Variants in PRTG observed in about 807,000 individuals in gnomAD.
The protein encoded by PRTG is immunoglobulin superfamily, DCC subclass, member 5.
Under a neutral mutation model 122.5 loss-of-function variants are expected in PRTG, and 67 were observed. The observed-to-expected ratio is 0.55, with a 90% CI of 0.45 to 0.67. The LOEUF (loss-of-function observed/expected upper bound fraction) is 0.67, where lower values mean the gene tolerates loss of function less well. PRTG is among the 30% of genes least tolerant of loss of function. The probability of loss-of-function intolerance (pLI) is 0.00; values close to 1 mark genes in which losing one functional copy is unlikely to be tolerated. For synonymous variants in PRTG, 554 were observed against 501.1 expected (o/e 1.11, Z -1.41); for missense variants, 1,435 against 1,415.4 (o/e 1.01, Z -0.22).
Position 55,661,604 on chromosome 15 carries a change from G to A in PRTG, c.2041+10841C>T, listed in dbSNP as rs139040514. On this transcript the variant is annotated intron_variant, in intron 11 of 19. Coordinates refer to ENST00000389286, the MANE Select transcript of PRTG (RefSeq NM_173814.6). ...CTTTCTTTTCTTTTTTAAGCAGGAA[G>A]ACAAAATGCATGCATATGAATCACA... Among the ~76,000 whole-genome samples, 7 of 152,172 alleles carry A rather than the reference G, an allele frequency of 4.6e-5. No homozygotes were observed. The East Asian group carries it at 1.4e-3, about 29-fold the overall frequency.
intron 19 of PRTG, 77 bp from the exon 20 acceptor site, chr15:55,620,343 C>A (rs1477563481): frequency 1.9e-6 from 3 of 1,564,450 alleles, no homozygotes; most frequent in South Asian, 1.2e-5. Flanking sequence ...CAGGTCCCCA[C>A]AGACAGGTGG....
chr15:55,708,974 G>A (rs770068943), intron 2 of PRTG, among the ~76,000 whole-genome samples: 4 of 151,540 alleles, frequency 2.6e-5, no homozygotes, highest in Admixed American at 6.6e-5. Context: ...GTGAAAAGCC[G>A]TCTCTATTAA....
intron 10 of PRTG, 41 bp from the exon 11 acceptor site, chr15:55,672,674 A>G: frequency 1.4e-6 from 2 of 1,479,186 alleles, no homozygotes; most frequent in Non-Finnish European, 1.9e-6. Context: ...AAACAACCCA[A>G]TATCCACATA....
chr15:55,656,885 T>C (rs2059383164), intron 11 of PRTG, among the ~76,000 whole-genome samples: 1 of 152,256 alleles, frequency 6.6e-6, no homozygotes, highest in Non-Finnish European at 1.5e-5. Flanking sequence ...CAAATGTTTA[T>C]ATTGATCACT....
intron 2 of PRTG, among the ~76,000 whole-genome samples, chr15:55,737,314 A>G (rs1017619576): frequency 7.9e-5 from 12 of 152,208 alleles, no homozygotes; most frequent in Non-Finnish European, 1.3e-4. Context: ...TTAAAGCTAA[A>G]TATTACTTTA....
Position 55,740,682 on chromosome 15 carries a change from C to G in PRTG, c.97G>C (p.Val33Leu). The G allele has an allele frequency of 6.2e-7, 1 of 1,606,550 alleles. No individual in the cohort carries two copies. The highest frequency in any genetic ancestry group is 8.5e-7 in the Non-Finnish European group (1 of 1,177,530). The change falls in exon 2 of 20, where the codon GTG becomes CTG. Residue 33 changes from valine to leucine, a missense_variant and splice_region_variant. Physicochemically the swap from Val to Leu is conservative, Grantham distance 32 (BLOSUM62 1). Transcript: ENST00000389286. ...AAAGACAGTTCGCTAAAGCACCACA[C>G]TCCTATAAGGAAAAAAAAGGAGAAC... is the stretch of plus-strand genomic sequence containing the variant. ...LLLLLSPLPG[V>L]WCFSELSFVK...
intron 2 of PRTG, among the ~76,000 whole-genome samples, chr15:55,693,428 C>G (rs910907854): frequency 2.6e-5 from 4 of 151,648 alleles, no homozygotes; most frequent in Admixed American, 6.6e-5. Flanking sequence ...TGCTCTCCAG[C>G]CTGGGCAACA....
chr15:55,661,086 T>C (rs1380294735), intron 11 of PRTG, among the ~76,000 whole-genome samples: 2 of 152,326 alleles, frequency 1.3e-5, no homozygotes, highest in Admixed American at 1.3e-4. Flanking sequence ...TATCTTTTGA[T>C]CATGCCCATT....
In PRTG at chr15:55,679,381, A is replaced by G. The variant is rs569806236; in HGVS notation, c.1038T>C (p.Phe346=). 53 of 1,613,566 alleles carry G rather than the reference A, an allele frequency of 3.3e-5. No individual in the cohort carries two copies. In the South Asian group the frequency reaches 5.8e-4, roughly 18 times the overall value. The change falls in exon 7 of 20, where the codon TTT becomes TTC. Residue 346 remains phenylalanine, a synonymous_variant. Transcript: ENST00000389286. Reference sequence around the variant, plus strand: ...AGGGGATTCCTTCTGCCTGACACACAAATCGAGCAGTGCCAGCTCGAGGCC... The same window carrying G: ...AGGGGATTCCTTCTGCCTGACACACGAATCGAGCAGTGCCAGCTCGAGGCC... ...LTRPRAGTAR[F]VCQAEGIPSP...
intron 14 of PRTG, among the ~76,000 whole-genome samples, 153 bp from the exon 15 acceptor site, chr15:55,637,493 T>C (rs1215287021): frequency 1.3e-5 from 2 of 152,228 alleles, no homozygotes; most frequent in Admixed American, 1.3e-4. Context: ...AATACTAAAG[T>C]ACCATTTTTC....
intron 15 of PRTG, among the ~76,000 whole-genome samples, chr15:55,635,366 AG>A (rs1286411299): frequency 1.3e-5 from 2 of 152,176 alleles, no homozygotes; most frequent in Non-Finnish European, 2.9e-5. Context: ...CTGGGATTAC[AG>A]GCATGAGCCA....
At chr15:55,652,251 C>T (rs147793277) in intron 11 of PRTG, among the ~76,000 whole-genome samples, 3 of 151,920 alleles carry the variant, frequency 2.0e-5, no homozygotes, top group Admixed American at 6.6e-5. Context: ...GCTGATATAA[C>T]GTCAGGATAT....
intron 2 of PRTG, among the ~76,000 whole-genome samples, chr15:55,738,017 T>TAC (rs1261017143): frequency 7.0e-5 from 8 of 114,822 alleles, no homozygotes; most frequent in African/African-American, 2.1e-4. Flanking sequence ...TATATATATA[T>TAC]ATATATATAC....
chr15:55,678,395 A>T (rs116997910), intron 7 of PRTG, among the ~76,000 whole-genome samples: 3,718 of 152,158 alleles, frequency 0.024, 64 homozygotes, highest in South Asian at 0.075. Flanking sequence ...GACTCCAGGC[A>T]TGTGTAGTTT....
chr15:55,690,221 A>T (rs959862417), intron 2 of PRTG, among the ~76,000 whole-genome samples: 1 of 152,172 alleles, frequency 6.6e-6, no homozygotes, highest in African/African-American at 2.4e-5. Context: ...TTTTCTCCCC[A>T]ATTTTGAAAA....
chr15:55,675,417 TA>T (rs1423069219), intron 9 of PRTG, 101 bp downstream of exon 9: 2 of 858,400 alleles, frequency 2.3e-6, no homozygotes, highest in East Asian at 5.2e-5. Context: ...ACCTGTTTTT[TA>T]ACCAAAAAGA....
At position 55,673,421 on chromosome 15, in the gene PRTG, T is replaced by TC; in HGVS notation, c.1801dup (p.Glu601GlyfsTer9). The TC allele has an allele frequency of 6.2e-7, 1 of 1,614,164 alleles. No homozygotes were observed. The highest frequency in any genetic ancestry group is 8.5e-7 in the Non-Finnish European group (1 of 1,180,014). On this transcript the variant is annotated frameshift_variant, in exon 10 of 20. Coordinates refer to ENST00000389286, the MANE Select transcript of PRTG (RefSeq NM_173814.6). LOFTEE classifies it high-confidence loss of function. ...CCTATGTGAAGTCCATACTGATGAC[T>TC]CTCCCAGCCCCACTCTGGTGGCAGC... is the stretch of plus-strand genomic sequence containing the variant.
intron 2 of PRTG, among the ~76,000 whole-genome samples, chr15:55,709,145 C>CAAAAAAAAAA (rs3985769): frequency 2.3e-4 from 12 of 51,844 alleles, no homozygotes; most frequent in African/African-American, 9.6e-4. Context: ...GACTCTGTCT[C>CAAAAAAAAAA]AAAAAAAAAA....
At chr15:55,713,455 AAG>A (rs1431691673) in intron 2 of PRTG, among the ~76,000 whole-genome samples, 1 of 152,232 alleles carries the variant, frequency 6.6e-6, no homozygotes, top group African/African-American at 2.4e-5. Flanking sequence ...GTGCATGGGC[AAG>A]AGTTTTCCTA....
Sources: allele counts gnomAD v4.1 joint callset (sites outside exome capture counted in the v4.1 genomes callset), GRCh38; gene constraint gnomAD v4.1.1; transcripts MANE v1.5; gene names NCBI Gene and HGNC (gene_info 2026-07-23, HGNC 2026-07-21).